Variants in NDST4 observed in about 807,000 individuals in gnomAD.
The protein encoded by NDST4 is N-heparan sulfate sulfotransferase 4.
NDST4 carries 63 observed loss-of-function variants against 100.8 expected under a neutral mutation model. That is an observed-to-expected ratio of 0.62 (90% CI 0.51 to 0.77). The LOEUF (loss-of-function observed/expected upper bound fraction) is 0.77, where lower values mean the gene tolerates loss of function less well. Among genes scored for constraint, NDST4 ranks in the 30% least tolerant of loss-of-function variants. NDST4 has a pLI of 0.00. For synonymous variants in NDST4, 377 were observed against 361.8 expected, an observed-to-expected ratio of 1.04 and a Z score of -0.48; for missense variants, 943 against 1,018.4, an observed-to-expected ratio of 0.93 and a Z score of 1.01.
intron 4 of NDST4, among the ~76,000 whole-genome samples, chr4:114,937,975 A>G (rs953325623): frequency 5.3e-5 from 8 of 152,190 alleles, no homozygotes; most frequent in African/African-American, 1.9e-4. Context: ...AAAGATTTTG[A>G]ATTAATTCGA....
intron 6 of NDST4, among the ~76,000 whole-genome samples, chr4:114,913,251 G>T (rs1275798340): frequency 6.6e-6 from 1 of 151,916 alleles, no homozygotes; most frequent in Non-Finnish European, 1.5e-5. Context: ...TGGGATTAAA[G>T]GGCTAATTTA....
chr4:114,974,928 G>A (rs72681436), intron 3 of NDST4, among the ~76,000 whole-genome samples: 4 of 152,222 alleles, frequency 2.6e-5, no homozygotes, highest in East Asian at 1.9e-4. Flanking sequence ...GCATCCTCAC[G>A]CACTGGGAAA....
intron 11 of NDST4, among the ~76,000 whole-genome samples, chr4:114,837,838 A>T (rs1723335717): frequency 6.6e-6 from 1 of 152,234 alleles, no homozygotes; most frequent in Admixed American, 6.5e-5. Flanking sequence ...GGATCTAATT[A>T]AACTAAAGAG....
At chr4:114,924,520 A>C (rs1725351134) in intron 6 of NDST4, among the ~76,000 whole-genome samples, 1 of 151,510 alleles carries the variant, frequency 6.6e-6, no homozygotes, top group Admixed American at 6.6e-5. Context: ...CAATCTATAT[A>C]CTCCACAGGG....
rs1261347631 is a variant in NDST4, at chr4:115,047,649, C to G, written c.978+28410G>C. On this transcript the variant is annotated intron_variant, in intron 2 of 13. Transcript: ENST00000264363. ...TTTTTTAATTTAATAATGAGGATGG[C>G]CTTTGAGCTAAAATAAGCCTGATTT... 9.2e-5 allele frequency among the ~76,000 whole-genome samples: 14 copies of G among 151,946 alleles called. No individual in the cohort carries two copies. The South Asian group carries it at 2.9e-3, about 32-fold the overall frequency.
intron 1 of NDST4, among the ~76,000 whole-genome samples, chr4:115,088,571 T>A (rs950036038): frequency 3.3e-5 from 5 of 151,942 alleles, no homozygotes; most frequent in Non-Finnish European, 7.4e-5. Context: ...AGTTGGAGAC[T>A]CCAGGTATCA....
At chr4:114,961,797 A>T (rs1294500505) in intron 4 of NDST4, among the ~76,000 whole-genome samples, 1 of 152,094 alleles carries the variant, frequency 6.6e-6, no homozygotes, top group Non-Finnish European at 1.5e-5. Flanking sequence ...CCCTTTATAC[A>T]TAAAAAAAGA....
chr4:115,058,871 T>C (rs1482759521), intron 2 of NDST4, among the ~76,000 whole-genome samples: 2 of 152,004 alleles, frequency 1.3e-5, no homozygotes, highest in Non-Finnish European at 2.9e-5. Flanking sequence ...AATTATATAA[T>C]CTTAGCAGGT....
chr4:114,840,122 A>T (rs981340820), intron 10 of NDST4, among the ~76,000 whole-genome samples: 20 of 152,148 alleles, frequency 1.3e-4, no homozygotes, highest in African/African-American at 4.8e-4. Flanking sequence ...TCTATTTCTC[A>T]TGCTTGTTTA....
intron 6 of NDST4, among the ~76,000 whole-genome samples, chr4:114,897,988 T>G (rs1022064182): frequency 2.0e-5 from 3 of 152,200 alleles, no homozygotes; most frequent in African/African-American, 7.2e-5. Context: ...TGCAAATATT[T>G]ACTCCCAGTC....
At chr4:114,834,107 A>G (rs1249260578) in intron 11 of NDST4, among the ~76,000 whole-genome samples, 1 of 152,218 alleles carries the variant, frequency 6.6e-6, no homozygotes, top group Non-Finnish European at 1.5e-5. Context: ...GGTCATCCAA[A>G]TGAAAATCAC....
At chr4:115,065,186 G>A (rs1258743671) in intron 2 of NDST4, among the ~76,000 whole-genome samples, 1 of 151,886 alleles carries the variant, frequency 6.6e-6, no homozygotes, top group East Asian at 1.9e-4. Flanking sequence ...ACCAAGATGG[G>A]CTGAGTCTAT....
chr4:114,861,103 C>T (rs1419325779), intron 7 of NDST4, among the ~76,000 whole-genome samples: 1 of 152,148 alleles, frequency 6.6e-6, no homozygotes, highest in Non-Finnish European at 1.5e-5. Context: ...TGTTTGTACC[C>T]TAATCATTGA....
intron 2 of NDST4, among the ~76,000 whole-genome samples, chr4:115,058,587 C>G (rs930925493): frequency 2.0e-5 from 3 of 152,020 alleles, no homozygotes; most frequent in Admixed American, 1.3e-4. Flanking sequence ...TTTGACTTTT[C>G]TCCCTCCATT....
intron 1 of NDST4, among the ~76,000 whole-genome samples, chr4:115,087,106 G>C (rs770208223): frequency 6.6e-6 from 1 of 152,000 alleles, no homozygotes; most frequent in Non-Finnish European, 1.5e-5. Context: ...TGAATGCTTA[G>C]ATCTGCCCCA....
intron 2 of NDST4, among the ~76,000 whole-genome samples, chr4:114,984,368 G>A (rs1304643343): frequency 6.6e-6 from 1 of 151,694 alleles, no homozygotes; most frequent in African/African-American, 2.4e-5. Flanking sequence ...TAGTAGAGAT[G>A]GGCTTTCACC....
At chr4:114,942,920 A>G (rs958104158) in intron 4 of NDST4, among the ~76,000 whole-genome samples, 3 of 150,884 alleles carry the variant, frequency 2.0e-5, no homozygotes, top group Non-Finnish European at 3.0e-5. Flanking sequence ...GAAAAAAATT[A>G]GTATCTTGAA....
intron 1 of NDST4, among the ~76,000 whole-genome samples, chr4:115,084,718 C>A (rs1729373778): frequency 6.6e-6 from 1 of 152,164 alleles, no homozygotes; most frequent in Non-Finnish European, 1.5e-5. Flanking sequence ...GGCCTGTTGG[C>A]ACACAGAAAT....
chr4:114,918,734 C>T (rs1578388281), intron 6 of NDST4, among the ~76,000 whole-genome samples: 1 of 152,210 alleles, frequency 6.6e-6, no homozygotes, highest in African/African-American at 2.4e-5. Flanking sequence ...CAGAGATCAA[C>T]TATTTTGACC....
Sources: allele counts gnomAD v4.1 joint callset (sites outside exome capture counted in the v4.1 genomes callset), GRCh38; gene constraint gnomAD v4.1.1; transcripts MANE v1.5; gene names NCBI Gene and HGNC (gene_info 2026-07-23, HGNC 2026-07-21).